The following EYS variants were observed in gnomAD, a reference collection of about 807,000 sequenced individuals.
EYS encodes the protein EGF-like photoreceptor maintenance factor.
EYS carries 250 observed loss-of-function variants against 282.1 expected under a neutral mutation model. That is an observed-to-expected ratio of 0.89 (90% CI 0.80 to 0.98). The LOEUF is 0.98. Ranked by LOEUF, EYS falls within the 50% of genes least tolerant of loss-of-function variation. The pLI is 0.00. For synonymous variants in EYS, 1,355 were observed against 1,282.9 expected, an observed-to-expected ratio of 1.06 and a Z score of -1.20; for missense variants, 4,016 against 3,709.0, an observed-to-expected ratio of 1.08 and a Z score of -2.15.
At chr6:64,148,146 CAAATG>C (rs1159434111) in intron 31 of EYS, among the ~76,000 whole-genome samples, 5 of 152,074 alleles carry the variant, frequency 3.3e-5, no homozygotes, top group Non-Finnish European at 7.4e-5. Flanking sequence ...AGAATATACT[CAAATG>C]AAAATCATCT....
intron 19 of EYS, among the ~76,000 whole-genome samples, chr6:64,840,922 G>C (rs976369545): frequency 6.6e-6 from 1 of 152,032 alleles, no homozygotes; most frequent in Non-Finnish European, 1.5e-5. Context: ...AATAGACAAA[G>C]AACTACACAG....
At chr6:63,852,431 G>A (rs1772283890) in intron 36 of EYS, among the ~76,000 whole-genome samples, 1 of 151,998 alleles carries the variant, frequency 6.6e-6, no homozygotes, top group Non-Finnish European at 1.5e-5. Context: ...GTCTAAACCA[G>A]GAAGAAATCA....
At chr6:64,508,866 TTACTGTATCA>T (rs1216390860) in intron 26 of EYS, among the ~76,000 whole-genome samples, 1 of 151,972 alleles carries the variant, frequency 6.6e-6, no homozygotes, top group Non-Finnish European at 1.5e-5. Flanking sequence ...GCTAATTTCC[TTACTGTATCA>T]TTAGGTTAAA....
intron 26 of EYS, among the ~76,000 whole-genome samples, chr6:64,462,262 A>T (rs574069541): frequency 4.6e-5 from 7 of 152,336 alleles, no homozygotes; most frequent in African/African-American, 1.7e-4. Flanking sequence ...AACTTGGATG[A>T]CATAATGCTT....
intron 33 of EYS, among the ~76,000 whole-genome samples, chr6:64,038,400 ACTT>A (rs1316075665): frequency 5.3e-5 from 8 of 152,154 alleles, no homozygotes; most frequent in Non-Finnish European, 1.2e-4. Context: ...ATGTATGTGT[ACTT>A]CAAGACATCA....
chr6:65,342,087 C>T (rs921975046), intron 10 of EYS, among the ~76,000 whole-genome samples: 4 of 150,970 alleles, frequency 2.6e-5, no homozygotes, highest in Middle Eastern at 3.2e-3. Context: ...TGGCTTAATC[C>T]TAAAGTTCTG....
intron 25 of EYS, among the ~76,000 whole-genome samples, chr6:64,592,770 C>T (rs1180490561): frequency 1.3e-5 from 2 of 151,936 alleles, no homozygotes; most frequent in Non-Finnish European, 2.9e-5. Flanking sequence ...ATAAATTTAC[C>T]TTAATGACTC....
intron 26 of EYS, among the ~76,000 whole-genome samples, chr6:64,536,500 A>C (rs1477378135): frequency 6.6e-6 from 1 of 152,164 alleles, no homozygotes; most frequent in Non-Finnish European, 1.5e-5. Flanking sequence ...CTGGAGTAGC[A>C]AAATAAATAA....
chr6:63,768,106 T>C, intron 40 of EYS, among the ~76,000 whole-genome samples: 1 of 150,184 alleles, frequency 6.7e-6, no homozygotes, highest in Admixed American at 6.7e-5. Context: ...CTTTAAGATC[T>C]AAACCTATAA....
chr6:65,619,257 G>T (rs1318561567), intron 2 of EYS, among the ~76,000 whole-genome samples: 4 of 151,440 alleles, frequency 2.6e-5, no homozygotes, highest in Non-Finnish European at 4.4e-5. Context: ...TCTCCTTGAA[G>T]AGGTCCTTCA....
intron 12 of EYS, among the ~76,000 whole-genome samples, chr6:65,203,999 G>T (rs1765966140): frequency 6.6e-6 from 1 of 151,718 alleles, no homozygotes; most frequent in Non-Finnish European, 1.5e-5. Flanking sequence ...AAATCAATAT[G>T]GTCAGAAAAA....
At chr6:64,167,788 A>G (rs1764341689) in intron 31 of EYS, among the ~76,000 whole-genome samples, 1 of 152,224 alleles carries the variant, frequency 6.6e-6, no homozygotes, top group Non-Finnish European at 1.5e-5. Flanking sequence ...TCCTAAATTT[A>G]TTAAACCACA....
intron 19 of EYS, among the ~76,000 whole-genome samples, chr6:64,885,007 G>T (rs1767044521): frequency 6.6e-6 from 1 of 151,602 alleles, no homozygotes; most frequent in Admixed American, 6.6e-5. Flanking sequence ...TAGAAATAAT[G>T]ACTTAAGTCA....
chr6:64,585,036 TG>T (rs1766189869), intron 26 of EYS, among the ~76,000 whole-genome samples: 1 of 152,152 alleles, frequency 6.6e-6, no homozygotes, highest in Non-Finnish European at 1.5e-5. Flanking sequence ...TGTTCATTAC[TG>T]CACTATTCAT....
intron 22 of EYS, among the ~76,000 whole-genome samples, chr6:64,674,066 C>T (rs1222292161): frequency 6.6e-6 from 1 of 152,040 alleles, no homozygotes; most frequent in Admixed American, 6.5e-5. Flanking sequence ...ATGCAGATGA[C>T]ATTTCTTGAC....
intron 7 of EYS, among the ~76,000 whole-genome samples, chr6:65,394,168 T>TAGGA: frequency 6.6e-6 from 1 of 152,066 alleles, no homozygotes; most frequent in South Asian, 2.1e-4. Context: ...TTGATCCTCC[T>TAGGA]GATATGTTGA....
At chr6:65,227,122 A>G (rs1766647725) in intron 12 of EYS, among the ~76,000 whole-genome samples, 2 of 150,432 alleles carry the variant, frequency 1.3e-5, no homozygotes. Context: ...AATCCCAGCT[A>G]CTCGGGAGGC....
intron 10 of EYS, among the ~76,000 whole-genome samples, chr6:65,343,049 T>C (rs767289237): frequency 6.6e-6 from 1 of 151,192 alleles, no homozygotes; most frequent in African/African-American, 2.4e-5. Context: ...GCAAAATATA[T>C]ATATATGTAA....
chr6:65,330,140 G>C (rs1769743956), intron 11 of EYS: 1 of 981,250 alleles, frequency 1.0e-6, no homozygotes, highest in East Asian at 1.1e-4. Flanking sequence ...TGAAACAGAA[G>C]AACCATGAGA....
Sources: gnomAD v4.1 joint callset for allele counts (sites outside exome capture counted in the v4.1 genomes callset) on GRCh38, gnomAD v4.1.1 for gene constraint, MANE v1.5 for transcripts, NCBI Gene and HGNC (gene_info 2026-07-23, HGNC 2026-07-21) for gene names.